The following RNF150 variants were observed in gnomAD, a reference collection of about 807,000 sequenced individuals.
RNF150 encodes the protein ring finger protein 150.
Under a neutral mutation model 39.3 loss-of-function variants are expected in RNF150, and 24 were observed. The observed-to-expected ratio is 0.61, with a 90% CI of 0.44 to 0.86. RNF150 has a LOEUF of 0.86. Ranked by LOEUF, RNF150 falls within the 40% of genes least tolerant of loss-of-function variation. The probability of loss-of-function intolerance (pLI) is 0.00; values close to 1 mark genes in which losing one functional copy is unlikely to be tolerated. For missense variants in RNF150, 502 were observed against 587.8 expected (o/e 0.85, Z 1.51); for synonymous variants, 255 against 227.3 (o/e 1.12, Z -1.10).
At chr4:140,886,569 G>A (rs1306056488) in intron 6 of RNF150, among the ~76,000 whole-genome samples, 1 of 152,126 alleles carries the variant, frequency 6.6e-6, no homozygotes, top group Non-Finnish European at 1.5e-5. Context: ...TTTTCTCTCA[G>A]CTTGAGGCCT....
intron 2 of RNF150, among the ~76,000 whole-genome samples, chr4:140,964,326 G>T (rs199513555): frequency 1.3e-5 from 2 of 152,144 alleles, no homozygotes; most frequent in East Asian, 3.9e-4. Context: ...GTAAAACGGG[G>T]ACAATAAAAT....
At chr4:141,026,086 C>T (rs950761303) in intron 1 of RNF150, among the ~76,000 whole-genome samples, 3 of 152,134 alleles carry the variant, frequency 2.0e-5, no homozygotes, top group Non-Finnish European at 2.9e-5. Flanking sequence ...AATTGTCTGA[C>T]GTCTTGATCT....
At chr4:140,966,231 T>C (rs1422763410) in intron 2 of RNF150, among the ~76,000 whole-genome samples, 1 of 151,966 alleles carries the variant, frequency 6.6e-6, no homozygotes, top group Non-Finnish European at 1.5e-5. Flanking sequence ...TCCTAGCTAC[T>C]TGGGAGGCCA....
At chr4:141,198,112 C>T (rs13148402) in intron 1 of RNF150, among the ~76,000 whole-genome samples, 11 of 150,962 alleles carry the variant, frequency 7.3e-5, no homozygotes, top group South Asian at 4.2e-4. Context: ...CTGCAACCTC[C>T]GCCTCCTGGT....
intron 1 of RNF150, among the ~76,000 whole-genome samples, chr4:141,030,314 G>A (rs965747706): frequency 2.0e-5 from 3 of 151,098 alleles, no homozygotes; most frequent in African/African-American, 4.9e-5. Context: ...AACAAATGTT[G>A]GTGAGAATAT....
At chr4:141,148,886 G>T (rs1335121033) in intron 1 of RNF150, among the ~76,000 whole-genome samples, 3 of 152,164 alleles carry the variant, frequency 2.0e-5, no homozygotes, top group African/African-American at 4.8e-5. Flanking sequence ...CTGCAGAAGG[G>T]GGTTGATTCC....
chr4:140,876,555 A>C (rs911656579), intron 6 of RNF150, among the ~76,000 whole-genome samples: 1 of 152,212 alleles, frequency 6.6e-6, no homozygotes, highest in Non-Finnish European at 1.5e-5. Flanking sequence ...TAGGGTGGAT[A>C]CTAATAGCTA....
At chr4:140,959,671 T>G (rs1732936588) in intron 2 of RNF150, among the ~76,000 whole-genome samples, 1 of 152,140 alleles carries the variant, frequency 6.6e-6, no homozygotes, top group African/African-American at 2.4e-5. Context: ...AAGCAATGGC[T>G]CCACATGGCG....
chr4:140,943,770 T>C (rs1481000344), intron 4 of RNF150, among the ~76,000 whole-genome samples: 1 of 152,212 alleles, frequency 6.6e-6, no homozygotes, highest in East Asian at 1.9e-4. Context: ...ATTTAGGTAC[T>C]AAAAGTTTAT....
chr4:140,994,867 G>A (rs1734313269), intron 1 of RNF150, among the ~76,000 whole-genome samples: 2 of 151,854 alleles, frequency 1.3e-5, no homozygotes, highest in South Asian at 4.2e-4. Flanking sequence ...CAGTATAATA[G>A]GTACCTATAT....
chr4:141,152,624 C>T (rs1727320462), intron 1 of RNF150, among the ~76,000 whole-genome samples: 1 of 152,206 alleles, frequency 6.6e-6, no homozygotes, highest in South Asian at 2.1e-4. Context: ...ATCTTCTCAA[C>T]CCTTATATTT....
At chr4:141,062,412 A>G (rs2110922521) in intron 1 of RNF150, among the ~76,000 whole-genome samples, 1 of 152,232 alleles carries the variant, frequency 6.6e-6, no homozygotes, top group Admixed American at 6.5e-5. Context: ...CACATACAGT[A>G]GCAAGTCTGA....
At chr4:141,142,979 C>A (rs1478948285) in intron 1 of RNF150, among the ~76,000 whole-genome samples, 1 of 151,984 alleles carries the variant, frequency 6.6e-6, no homozygotes, top group African/African-American at 2.4e-5. Context: ...AAGCAATTCT[C>A]CTGCCTTGGC....
intron 1 of RNF150, among the ~76,000 whole-genome samples, chr4:141,109,787 A>T (rs1739327336): frequency 6.6e-6 from 1 of 152,164 alleles, no homozygotes; most frequent in African/African-American, 2.4e-5. Flanking sequence ...CCTATTTAAG[A>T]TCATGATAGC....
At chr4:140,907,271 T>C (rs931821839) in intron 6 of RNF150, among the ~76,000 whole-genome samples, 3 of 152,226 alleles carry the variant, frequency 2.0e-5, no homozygotes, top group African/African-American at 7.2e-5. Flanking sequence ...GTGGAGGAGA[T>C]ACACTGTTCT....
intron 1 of RNF150, among the ~76,000 whole-genome samples, chr4:140,981,412 T>C (rs968090930): frequency 3.3e-5 from 5 of 152,194 alleles, no homozygotes; most frequent in African/African-American, 1.2e-4. Flanking sequence ...AAATAAAATT[T>C]GTGTACACTG....
chr4:140,869,897 T>C (rs1728862058), intron 6 of RNF150, among the ~76,000 whole-genome samples: 1 of 152,122 alleles, frequency 6.6e-6, no homozygotes, highest in African/African-American at 2.4e-5. Context: ...AAGGCAGCTT[T>C]CAACCCAAAA....
intron 1 of RNF150, among the ~76,000 whole-genome samples, chr4:141,029,268 C>A (rs946491085): frequency 1.3e-5 from 2 of 152,096 alleles, no homozygotes; most frequent in Admixed American, 6.5e-5. Context: ...TAGAAACAGG[C>A]CCCATCACAA....
chr4:140,976,331 T>C (rs1733663255), intron 1 of RNF150, among the ~76,000 whole-genome samples: 1 of 151,990 alleles, frequency 6.6e-6, no homozygotes, highest in Non-Finnish European at 1.5e-5. Flanking sequence ...CTTGCCACCA[T>C]CTGCCAACCT....
Sources: allele counts gnomAD v4.1 joint callset (sites outside exome capture counted in the v4.1 genomes callset), GRCh38; gene constraint gnomAD v4.1.1; transcripts MANE v1.5; gene names NCBI Gene and HGNC (gene_info 2026-07-23, HGNC 2026-07-21).